Variants in ABCB4 observed in about 807,000 individuals in gnomAD.
ABCB4 encodes phosphatidylcholine translocator ABCB4.
ABCB4 carries 76 observed loss-of-function variants against 145.7 expected under a neutral mutation model. The ratio of observed to expected loss-of-function variants is 0.52; its 90% CI spans 0.43 to 0.63. The LOEUF (loss-of-function observed/expected upper bound fraction) is 0.63, where lower values mean the gene tolerates loss of function less well. Among genes scored for constraint, ABCB4 ranks in the 30% least tolerant of loss-of-function variants. The pLI, the probability that ABCB4 is intolerant of heterozygous loss-of-function variation, is 0.00. For missense variants in ABCB4, 1,234 were observed against 1,553.1 expected (o/e 0.79, Z 3.45); for synonymous variants, 517 against 566.8 (o/e 0.91, Z 1.25).
At chr7:87,405,638 G>C (rs1001339352) in intron 26 of ABCB4, among the ~76,000 whole-genome samples, 2 of 152,028 alleles carry the variant, frequency 1.3e-5, no homozygotes, top group African/African-American at 4.8e-5. Flanking sequence ...TGTTGGCCAG[G>C]ATGGTCTCAA....
At chr7:87,382,201 C>T in the ABCB4 span, 1 of 1,561,836 alleles carries the variant, frequency 6.4e-7, no homozygotes, top group Non-Finnish European at 8.8e-7. Flanking sequence ...TCACTTTTCT[C>T]TTAAATAATA....
chr7:87,475,405 A>G lies in ABCB4; in HGVS notation c.61T>C (p.Phe21Leu). 1 of 1,614,224 alleles carries G rather than the reference A, an allele frequency of 6.2e-7. No homozygotes were observed. The highest frequency in any genetic ancestry group is 8.5e-7 in the Non-Finnish European group (1 of 1,180,036). ...ATGTACCTGCTGATGCCCAGTTCAAAGTCGCCCTCCGCGCTCGTGGGGCGC... is the reference window on the plus strand; with the variant it reads ...ATGTACCTGCTGATGCCCAGTTCAAGGTCGCCCTCCGCGCTCGTGGGGCGC... The part of the protein sequence containing the change: ...AWRPTSAEGD[F>L]ELGISSKQKR... The change falls in exon 2 of 28, where the codon TTT (phenylalanine) becomes CTT (leucine). Residue 21 changes from phenylalanine (F) to leucine (L), a missense_variant. Coordinates refer to ENST00000649586, the MANE Select transcript of ABCB4 (RefSeq NM_000443.4).
intron 21 of ABCB4, among the ~76,000 whole-genome samples, chr7:87,415,508 A>G (rs1333037363): frequency 2.0e-5 from 3 of 152,110 alleles, no homozygotes; most frequent in African/African-American, 7.2e-5. Flanking sequence ...AATCTTTCAT[A>G]TTTCATAACC....
intron 2 of ABCB4, 137 bp from the exon 3 acceptor site, chr7:87,472,812 T>C (rs1813523334): frequency 1.4e-6 from 1 of 720,998 alleles, no homozygotes; most frequent in South Asian, 1.8e-5. Flanking sequence ...ATGTCAAAAT[T>C]ATTCAGTTCA....
chr7:87,414,643 A>G (rs1409346035), intron 21 of ABCB4, among the ~76,000 whole-genome samples: 1 of 152,038 alleles, frequency 6.6e-6, no homozygotes, highest in Non-Finnish European at 1.5e-5. Context: ...GGAGCATAAG[A>G]TCTTAATTTT....
At chr7:87,470,929 T>C (rs1252129974) in intron 3 of ABCB4, among the ~76,000 whole-genome samples, 1 of 152,186 alleles carries the variant, frequency 6.6e-6, no homozygotes, top group Admixed American at 6.5e-5. Flanking sequence ...GTATGTTTAT[T>C]GCAGCACTAT....
At chr7:87,424,654 T>C (rs968426455) in intron 16 of ABCB4, among the ~76,000 whole-genome samples, 3 of 152,214 alleles carry the variant, frequency 2.0e-5, no homozygotes, top group Non-Finnish European at 4.4e-5. Context: ...TTACCACACT[T>C]TTCCCTGTGC....
At chr7:87,431,742 C>T (rs867713622) in intron 14 of ABCB4, among the ~76,000 whole-genome samples, 177 bp from the exon 15 acceptor site, 1 of 152,162 alleles carries the variant, frequency 6.6e-6, no homozygotes. Context: ...TAAAGTCAGA[C>T]GAGTTTGGGA....
At position 87,462,822 on chromosome 7, in the gene ABCB4, C is replaced by T. The variant is rs921331584; in HGVS notation, c.222G>A (p.Met74Ile). The T allele has an allele frequency of 1.2e-6, 2 of 1,613,906 alleles. No homozygotes were observed. The highest frequency in any genetic ancestry group is 8.5e-7 in the Non-Finnish European group (1 of 1,179,858). ...CAGTCATCTCTCCAAATACTATCAT[C>T]ATGAGGGGGAGACCTGATCCGTGAG... ...AIAHGSGLPLMMIVFGEMTDK... is the reference protein window; with the variant it reads ...AIAHGSGLPLIMIVFGEMTDK... The change falls in exon 4 of 28, where the codon ATG becomes ATA. Residue 74 changes from methionine to isoleucine, a missense_variant. Coordinates refer to ENST00000649586, the MANE Select transcript of ABCB4 (RefSeq NM_000443.4).
chr7:87,460,332 C>T (rs2116878378), intron 4 of ABCB4, among the ~76,000 whole-genome samples: 1 of 152,098 alleles, frequency 6.6e-6, no homozygotes, highest in South Asian at 2.1e-4. Context: ...ATGTGCAGTT[C>T]TGTTACATGG....
At chr7:87,415,152 C>T (rs1388217952) in intron 21 of ABCB4, among the ~76,000 whole-genome samples, 1 of 152,106 alleles carries the variant, frequency 6.6e-6, no homozygotes, top group Non-Finnish European at 1.5e-5. Flanking sequence ...CACAGAGGGC[C>T]CTTAATCTCA....
Position 87,475,466 on chromosome 7 carries a change from C to A in ABCB4, c.-1G>T. The A allele has an allele frequency of 6.2e-7, 1 of 1,614,196 alleles. No individual in the cohort carries two copies. The highest frequency in any genetic ancestry group is 1.1e-5 in the South Asian group (1 of 91,088). The stretch of plus-strand genomic sequence containing the variant: ...CGTTCTTTGCCGCCTCAAGATCCAT[C>A]TCAGCCTGAGGAGAAACCACAGCCT... On this transcript the variant is annotated 5_prime_UTR_variant, in exon 2 of 28. Coordinates refer to ENST00000649586, the MANE Select transcript of ABCB4 (RefSeq NM_000443.4).
chr7:87,368,350 C>T, the ABCB4 span, among the ~76,000 whole-genome samples: 2 of 151,968 alleles, frequency 1.3e-5, no homozygotes, highest in African/African-American at 4.8e-5. Flanking sequence ...CAGCCCTAAA[C>T]TTTGAAAGGG....
chr7:87,422,623 C>T (rs1809526627), intron 17 of ABCB4, among the ~76,000 whole-genome samples: 1 of 152,102 alleles, frequency 6.6e-6, no homozygotes, highest in Non-Finnish European at 1.5e-5. Context: ...AGTGGTTGCA[C>T]ATTTTAGCAT....
intron 17 of ABCB4, chr7:87,423,645 T>C: frequency 2.1e-6 from 1 of 465,180 alleles, no homozygotes. Context: ...TGACACCAGT[T>C]TCACCAAATG....
intron 4 of ABCB4, among the ~76,000 whole-genome samples, chr7:87,458,687 A>T (rs1812260599): frequency 6.6e-6 from 1 of 152,206 alleles, no homozygotes; most frequent in Admixed American, 6.5e-5. Context: ...TTATTTTTAC[A>T]AACGACCAAA....
chr7:87,454,144 A>T (rs919757505), intron 5 of ABCB4, among the ~76,000 whole-genome samples: 4 of 152,234 alleles, frequency 2.6e-5, no homozygotes, highest in Non-Finnish European at 5.9e-5. Context: ...AATCAGCAAC[A>T]CTGCTATGCA....
chr7:87,436,679 C>G (rs915972755), intron 14 of ABCB4, among the ~76,000 whole-genome samples: 1 of 151,828 alleles, frequency 6.6e-6, no homozygotes, highest in African/African-American at 2.4e-5. Context: ...GACTAGGGAA[C>G]CCACTCCTGG....
chr7:87,459,078 G>T (rs1011840874), intron 4 of ABCB4, among the ~76,000 whole-genome samples: 2 of 151,882 alleles, frequency 1.3e-5, no homozygotes, highest in Non-Finnish European at 2.9e-5. Context: ...AATAAAATTG[G>T]TCCAAAAGAG....
Sources: allele counts gnomAD v4.1 joint callset (sites outside exome capture counted in the v4.1 genomes callset), GRCh38; gene constraint gnomAD v4.1.1; transcripts MANE v1.5; gene names NCBI Gene and HGNC (gene_info 2026-07-23, HGNC 2026-07-21).